Variants in ATP6V1C1 observed in about 807,000 individuals in gnomAD.
ATP6V1C1 encodes ATPase H+ transporting V1 subunit C1.
A neutral mutation model predicts 53.9 loss-of-function variants in ATP6V1C1; 45 were observed. That is an observed-to-expected ratio of 0.83 (90% CI 0.66 to 1.07). The LOEUF is 1.07. Among genes scored for constraint, ATP6V1C1 ranks in the 50% least tolerant of loss-of-function variants. The pLI, the probability that ATP6V1C1 is intolerant of heterozygous loss-of-function variation, is 0.00. For synonymous variants in ATP6V1C1, 153 were observed against 155.2 expected (o/e 0.99, Z 0.11); for missense variants, 315 against 440.3 (o/e 0.72, Z 2.55).
intron 8 of ATP6V1C1, 110 bp downstream of exon 8, chr8:103,056,046 A>T: frequency 9.8e-7 from 1 of 1,023,286 alleles, no homozygotes; most frequent in Non-Finnish European, 1.5e-6. Context: ...AATTAACCTC[A>T]TGAGTGAGTT....
chr8:103,047,464 A>ACACACACACACATT (rs137856477), intron 3 of ATP6V1C1, among the ~76,000 whole-genome samples: 4 of 125,600 alleles, frequency 3.2e-5, no homozygotes, highest in African/African-American at 8.7e-5. Flanking sequence ...ACACACACAC[A>ACACACACACACATT]TTTTTTTTTT....
chr8:103,023,314 T>G (rs1816632105), intron 1 of ATP6V1C1, among the ~76,000 whole-genome samples: 1 of 134,908 alleles, frequency 7.4e-6, no homozygotes, highest in African/African-American at 2.8e-5. Context: ...GGGGAGATAA[T>G]GTGGAGGGTG....
intron 1 of ATP6V1C1, among the ~76,000 whole-genome samples, chr8:103,023,441 A>C (rs556195647): frequency 6.6e-6 from 1 of 152,246 alleles, no homozygotes; most frequent in South Asian, 2.1e-4. Flanking sequence ...AACTGTATTC[A>C]CTTTTAGAGG....
At chr8:103,023,280 CTTTTTTT>C (rs576209249) in intron 1 of ATP6V1C1, among the ~76,000 whole-genome samples, 1 of 113,088 alleles carries the variant, frequency 8.8e-6, no homozygotes, top group Non-Finnish European at 1.8e-5. Flanking sequence ...CAGGTTGTGG[CTTTTTTT>C]TTTTTTTTTT....
chr8:103,028,981 CA>C (rs1306461939), intron 1 of ATP6V1C1, among the ~76,000 whole-genome samples: 1 of 151,936 alleles, frequency 6.6e-6, no homozygotes, highest in Non-Finnish European at 1.5e-5. Flanking sequence ...TGCGGTGGGA[CA>C]TTTTTTTGTT....
chr8:103,032,012 CAAAA>C (rs1289417529), intron 1 of ATP6V1C1, among the ~76,000 whole-genome samples: 1 of 84,052 alleles, frequency 1.2e-5, no homozygotes, highest in Non-Finnish European at 3.0e-5. Flanking sequence ...AAAAAAAAAA[CAAAA>C]AACAAAAAAC....
intron 11 of ATP6V1C1, among the ~76,000 whole-genome samples, chr8:103,065,711 T>A (rs1817476831): frequency 6.6e-6 from 1 of 152,048 alleles, no homozygotes; most frequent in Non-Finnish European, 1.5e-5. Context: ...TGACCTTACT[T>A]CTTCTTATTT....
intron 11 of ATP6V1C1, 132 bp downstream of exon 11, chr8:103,064,943 G>T: frequency 1.4e-6 from 1 of 701,212 alleles, no homozygotes; most frequent in Non-Finnish European, 2.3e-6. Flanking sequence ...ATGAGACAGA[G>T]ATTATCAGTA....
intron 8 of ATP6V1C1, among the ~76,000 whole-genome samples, chr8:103,057,319 G>T (rs1817304880): frequency 6.6e-6 from 1 of 152,180 alleles, no homozygotes; most frequent in Admixed American, 6.5e-5. Flanking sequence ...AAGTTACAAA[G>T]GTCACACTCC....
chr8:103,034,898 G>C (rs1816865266), intron 1 of ATP6V1C1, among the ~76,000 whole-genome samples: 1 of 152,150 alleles, frequency 6.6e-6, no homozygotes, highest in African/African-American at 2.4e-5. Flanking sequence ...TACCTGACTT[G>C]TGTAAGTGAC....
chr8:103,067,709 T>C (rs1430463998), intron 12 of ATP6V1C1, among the ~76,000 whole-genome samples: 1 of 150,286 alleles, frequency 6.7e-6, no homozygotes, highest in African/African-American at 2.4e-5. Flanking sequence ...CAGGCAGTTC[T>C]CCTGCCTCAG....
At chr8:103,065,935 A>C (rs1428405436) in intron 11 of ATP6V1C1, among the ~76,000 whole-genome samples, 2 of 151,716 alleles carry the variant, frequency 1.3e-5, no homozygotes, top group Admixed American at 1.3e-4. Flanking sequence ...CCAGCTACTC[A>C]GGAGGCTGAG....
At chr8:103,031,643 A>G (rs945137016) in intron 1 of ATP6V1C1, among the ~76,000 whole-genome samples, 12 of 152,028 alleles carry the variant, frequency 7.9e-5, no homozygotes, top group African/African-American at 2.7e-4. Context: ...TGACCCAGAC[A>G]CCTCCCACCA....
chr8:103,056,916 C>A (rs142732916), intron 8 of ATP6V1C1, among the ~76,000 whole-genome samples: 3 of 152,160 alleles, frequency 2.0e-5, no homozygotes, highest in Non-Finnish European at 4.4e-5. Flanking sequence ...TGGAAAGAGT[C>A]CTGGACTCAG....
chr8:103,067,160 A>T (rs1393151795), intron 12 of ATP6V1C1, among the ~76,000 whole-genome samples: 1 of 151,878 alleles, frequency 6.6e-6, no homozygotes, highest in Non-Finnish European at 1.5e-5. Context: ...GCACTTTGGG[A>T]GGCCGAGGCG....
rs1817124229 is a variant in ATP6V1C1, at chr8:103,047,459, C to CACAT, written c.201-1408_201-1407insTACA. ...ACACACACACACACACACACACACA[C>CACAT]ACACATTTTTTTTTTAAGGAAAAAA... On this transcript the variant is annotated intron_variant, in intron 3 of 12. Coordinates refer to ENST00000518738, the MANE Select transcript of ATP6V1C1 (RefSeq NM_001695.5). Among the ~76,000 whole-genome samples, 7 of 99,738 alleles carry CACAT rather than the reference C, an allele frequency of 7.0e-5. No homozygotes were observed. In the South Asian group the frequency reaches 1.8e-3, roughly 26 times the overall value. 65.4% of individuals were successfully genotyped at this position (99,738 alleles called of 152,430 possible).
Position 103,069,001 on chromosome 8 carries a change from T to C in ATP6V1C1, c.*254T>C. The C allele has an allele frequency of 4.4e-6, 1 of 228,752 alleles. No homozygotes were observed. Among genetic ancestry groups the C allele is most frequent in the Non-Finnish European group, 8.4e-6 (1 of 119,728 alleles). The allele number at this position is 228,752 out of a possible 1,614,324, so 14.2% of individuals were successfully genotyped here. A position where few individuals can be genotyped will look rare whatever the true frequency, so the allele number is the denominator to read the frequency against. On this transcript the variant is annotated 3_prime_UTR_variant, in exon 13 of 13. Transcript: ENST00000518738. ...AATCAGAGTTTATTTATAAACAAAA[T>C]AGTTTATTTAAAGAGAAGGTCTCTT...
intron 8 of ATP6V1C1, among the ~76,000 whole-genome samples, chr8:103,059,280 C>T (rs1481455313): frequency 6.6e-6 from 1 of 152,146 alleles, no homozygotes; most frequent in South Asian, 2.1e-4. Flanking sequence ...TCTAGCCTCA[C>T]CTGCAGTTTT....
At chr8:103,052,190 A>C (rs1817212524) in intron 5 of ATP6V1C1, among the ~76,000 whole-genome samples, 1 of 152,094 alleles carries the variant, frequency 6.6e-6, no homozygotes, top group South Asian at 2.1e-4. Flanking sequence ...TGCTAGAGCT[A>C]TGTTAAAGTC....
Sources: gnomAD v4.1 joint callset for allele counts (sites outside exome capture counted in the v4.1 genomes callset) on GRCh38, gnomAD v4.1.1 for gene constraint, MANE v1.5 for transcripts, NCBI Gene and HGNC (gene_info 2026-07-23, HGNC 2026-07-21) for gene names.